SDK1: variants seen among roughly 807,000 people sequenced by gnomAD.
SDK1 encodes the protein protein sidekick-1.
SDK1 carries 157 observed loss-of-function variants against 245.5 expected under a neutral mutation model. That is an observed-to-expected ratio of 0.64 (90% CI 0.56 to 0.73). The LOEUF (loss-of-function observed/expected upper bound fraction) is 0.73, where lower values mean the gene tolerates loss of function less well. SDK1 is among the 30% of genes least tolerant of loss of function. SDK1 has a pLI of 0.00. For synonymous variants in SDK1, 1,647 were observed against 1,278.5 expected (o/e 1.29, Z -6.15); for missense variants, 3,583 against 3,002.3 (o/e 1.19, Z -4.52).
chr7:3,693,718 T>A (rs1784495459), intron 4 of SDK1, among the ~76,000 whole-genome samples: 1 of 152,226 alleles, frequency 6.6e-6, no homozygotes, highest in Non-Finnish European at 1.5e-5. Flanking sequence ...ACAGGAGGTC[T>A]AGTTTCACAT....
At chr7:3,941,030 C>G (rs1044788699) in intron 5 of SDK1, among the ~76,000 whole-genome samples, 1 of 151,892 alleles carries the variant, frequency 6.6e-6, no homozygotes, top group African/African-American at 2.4e-5. Flanking sequence ...TCCCTTCTCC[C>G]TCCTGACCCA....
At chr7:3,915,793 C>T (rs1413634120) in intron 5 of SDK1, among the ~76,000 whole-genome samples, 1 of 152,190 alleles carries the variant, frequency 6.6e-6, no homozygotes, top group Non-Finnish European at 1.5e-5. Flanking sequence ...CTGGGTTTTA[C>T]ACGTCCTAGC....
At chr7:4,197,346 G>A (rs1379550888) in intron 35 of SDK1, among the ~76,000 whole-genome samples, 3 of 152,056 alleles carry the variant, frequency 2.0e-5, no homozygotes, top group African/African-American at 7.2e-5. Flanking sequence ...CAATTAGATG[G>A]GTATAGTGAT....
At chr7:3,983,104 G>A (rs148374186) in intron 13 of SDK1, among the ~76,000 whole-genome samples, 12 of 152,304 alleles carry the variant, frequency 7.9e-5, no homozygotes, top group Admixed American at 2.0e-4. Context: ...AGCAAAGCAA[G>A]TGGTGTGGGA....
At chr7:3,799,159 T>C (rs1052749473) in intron 4 of SDK1, among the ~76,000 whole-genome samples, 1 of 152,224 alleles carries the variant, frequency 6.6e-6, no homozygotes, top group African/African-American at 2.4e-5. Context: ...GGCCTTTTTA[T>C]TACTTTTTTG....
At chr7:3,374,546 G>A (rs769374756) in intron 1 of SDK1, among the ~76,000 whole-genome samples, 2 of 151,944 alleles carry the variant, frequency 1.3e-5, no homozygotes, top group Non-Finnish European at 2.9e-5. Context: ...ATACTCCTTT[G>A]GCCACTATAC....
At chr7:3,731,686 A>AT (rs1490077590) in intron 4 of SDK1, among the ~76,000 whole-genome samples, 1 of 152,222 alleles carries the variant, frequency 6.6e-6, no homozygotes. Flanking sequence ...CAAACACCAT[A>AT]TTCCAATACA....
intron 29 of SDK1, 63 bp downstream of exon 29, chr7:4,145,979 C>T (rs1779946576): frequency 2.8e-6 from 4 of 1,427,966 alleles, no homozygotes; most frequent in Non-Finnish European, 3.8e-6. Flanking sequence ...TCAATCAGGC[C>T]CTCTGGGGTC....
intron 4 of SDK1, chr7:3,642,870 C>G (rs188819791): frequency 1.3e-5 from 2 of 152,204 alleles, no homozygotes; most frequent in African/African-American, 2.4e-5. Context: ...ATGCTATAAG[C>G]TTAGGCCAGA....
At chr7:3,877,562 G>C (rs1781105154) in intron 5 of SDK1, among the ~76,000 whole-genome samples, 1 of 152,098 alleles carries the variant, frequency 6.6e-6, no homozygotes, top group Non-Finnish European at 1.5e-5. Flanking sequence ...AAAATCTTTA[G>C]ATGGTTTATC....
rs376339477 is a variant in SDK1 at position 3,361,361 on chromosome 7, C to A, written c.298+59477C>A. On this transcript the variant is annotated intron_variant, in intron 1 of 44. Coordinates refer to ENST00000404826, the MANE Select transcript of SDK1 (RefSeq NM_152744.4). ...ATTTCTATCATAGGACCTCTGTGTT[C>A]CTTGTTCTTCTATTCCACTTTCTTG... 4.6e-5 allele frequency among the ~76,000 whole-genome samples: 7 copies of A among 152,264 alleles called. No homozygotes were observed. The East Asian group carries it at 1.4e-3, about 29-fold the overall frequency.
At chr7:3,718,176 A>G (rs925812225) in intron 4 of SDK1, among the ~76,000 whole-genome samples, 2 of 152,124 alleles carry the variant, frequency 1.3e-5, no homozygotes, top group African/African-American at 2.4e-5. Context: ...TTATGAGCAT[A>G]TCCATTGACA....
At chr7:3,884,504 C>T (rs9655007) in intron 5 of SDK1, among the ~76,000 whole-genome samples, 28,023 of 152,168 alleles carry the variant, frequency 0.18, 2,742 homozygotes, top group Middle Eastern at 0.29. Context: ...GAGCAGTTAG[C>T]GCCGTTTCTC....
intron 22 of SDK1, among the ~76,000 whole-genome samples, chr7:4,097,603 T>C (rs1221619004): frequency 1.3e-5 from 2 of 152,204 alleles, no homozygotes; most frequent in African/African-American, 4.8e-5. Flanking sequence ...CTGTTACCTC[T>C]GTAGGGAGAA....
chr7:3,989,133 A>T (rs556795483), intron 14 of SDK1, among the ~76,000 whole-genome samples: 2 of 152,208 alleles, frequency 1.3e-5, no homozygotes, highest in South Asian at 2.1e-4. Flanking sequence ...TCACACTGCC[A>T]ATAAAGACAC....
chr7:3,475,800 A>G (rs1781332274), intron 1 of SDK1, among the ~76,000 whole-genome samples: 1 of 152,160 alleles, frequency 6.6e-6, no homozygotes, highest in East Asian at 1.9e-4. Flanking sequence ...ACGGTTTCAT[A>G]GTGGAACTGC....
At chr7:3,528,825 G>C (rs1185281429) in intron 1 of SDK1, among the ~76,000 whole-genome samples, 1 of 149,358 alleles carries the variant, frequency 6.7e-6, no homozygotes, top group South Asian at 2.1e-4. Context: ...AAGACTCAGA[G>C]AGAGAGGTAG....
Position 4,267,777 on chromosome 7 carries a change from T to C in SDK1, c.*2393T>C. 31 of 985,492 alleles carry C rather than the reference T, an allele frequency of 3.1e-5. No homozygotes were observed. Among genetic ancestry groups the C allele is most frequent in the Non-Finnish European group, 3.7e-5 (31 of 829,978 alleles). The allele number at this position is 985,492 out of a possible 1,614,324, so 61.0% of individuals were successfully genotyped here. On this transcript the variant is annotated 3_prime_UTR_variant, in exon 45 of 45. Transcript: ENST00000404826. ...ATGTTTTCCGTCTCCCCTCCACTCT[T>C]AGTAAACCTTGATCTGTACGGAGCG... is the stretch of plus-strand genomic sequence containing the variant.
chr7:3,936,338 T>G lies in SDK1; in HGVS notation c.848-14585T>G, dbSNP rs574279085. Among the ~76,000 whole-genome samples, 19 of 152,092 alleles carry G rather than the reference T, an allele frequency of 1.2e-4. 1 individual carries two copies. The South Asian group carries it at 4.0e-3, about 32-fold the overall frequency. On this transcript the variant is annotated intron_variant, in intron 5 of 44. Coordinates refer to ENST00000404826, the MANE Select transcript of SDK1 (RefSeq NM_152744.4). ...GGCTCACGCCTGTAATCCCAGCACT[T>G]TGGGAGGCCGAGGCAGGCGGATCAC...
Sources: allele counts gnomAD v4.1 joint callset (sites outside exome capture counted in the v4.1 genomes callset), GRCh38; gene constraint gnomAD v4.1.1; transcripts MANE v1.5; gene names NCBI Gene and HGNC (gene_info 2026-07-23, HGNC 2026-07-21).